Variants in GRIA3 observed in about 807,000 individuals in gnomAD.
The protein encoded by GRIA3 is glutamate receptor 3.
In GRIA3, 3 loss-of-function variants were observed where a neutral mutation model predicts 63.0. The ratio of observed to expected loss-of-function variants is 0.05; its 90% CI spans 0.02 to 0.12. The LOEUF (loss-of-function observed/expected upper bound fraction) is 0.12. Ranked by LOEUF, GRIA3 falls within the 10% of genes least tolerant of loss-of-function variation. GRIA3 has a pLI of 1.00. For synonymous variants in GRIA3, 274 were observed against 257.9 expected, an observed-to-expected ratio of 1.06 and a Z score of -0.60; for missense variants, 347 against 700.9, an observed-to-expected ratio of 0.50 and a Z score of 5.70.
chrX:123,399,147 T>A (rs1004799606), intron 7 of GRIA3, among the ~76,000 whole-genome samples: 2 of 112,006 alleles, frequency 1.8e-5, no homozygotes, highest in Non-Finnish European at 3.8e-5. Context: ...CTTTCAAACA[T>A]ATGACATTCT....
intron 11 of GRIA3, among the ~76,000 whole-genome samples, chrX:123,418,759 G>A (rs2045549218): frequency 8.9e-6 from 1 of 112,481 alleles, no homozygotes; most frequent in Non-Finnish European, 1.9e-5. Context: ...ACCAAGTGCT[G>A]ATGACAATGT....
chrX:123,200,608 TACAC>T (rs200626306), intron 2 of GRIA3, among the ~76,000 whole-genome samples: 5,899 of 76,272 alleles, frequency 0.077, 214 homozygotes, highest in South Asian at 0.22. Flanking sequence ...CACACATACA[TACAC>T]ACACACACAC....
Position 123,414,559 on chromosome X carries a change from C to G in GRIA3, c.1501-2843C>G, listed in dbSNP as rs187115132. 2.7e-3 allele frequency among the ~76,000 whole-genome samples: 300 copies of G among 109,933 alleles called. 3 individuals are homozygous for G. Among genetic ancestry groups the G allele is most frequent in the African/African-American group, 9.6e-3 (289 of 30,055 alleles). On this transcript the variant is annotated intron_variant, in intron 10 of 15. Transcript: ENST00000620443. ...TTTACGTTAGGCATTTTTCCTAATG[C>G]TATCCCTCCCCCAGCCCCCCACCCC...
At chrX:123,356,195 T>TA (rs1286539679) in intron 5 of GRIA3, among the ~76,000 whole-genome samples, 1 of 112,174 alleles carries the variant, frequency 8.9e-6, no homozygotes, top group East Asian at 2.8e-4. Context: ...AGGCACCTGA[T>TA]ACAGTTATTG....
At chrX:123,327,369 T>C (rs1178669870) in intron 4 of GRIA3, among the ~76,000 whole-genome samples, 1 of 111,298 alleles carries the variant, frequency 9.0e-6, no homozygotes, top group African/African-American at 3.3e-5. Flanking sequence ...GAAGTTTCAA[T>C]TTGCCAGTTA....
At chrX:123,392,686 T>G (rs747984449) in intron 5 of GRIA3, among the ~76,000 whole-genome samples, 4 of 112,014 alleles carry the variant, frequency 3.6e-5, no homozygotes, top group Non-Finnish European at 7.5e-5. Flanking sequence ...TTCTTTCTCA[T>G]TCCTTGAGTC....
chrX:123,463,834 A>G lies in GRIA3; in HGVS notation c.2077-1031A>G, dbSNP rs965262956. Among the ~76,000 whole-genome samples, 4 of 110,528 alleles carry G rather than the reference A, an allele frequency of 3.6e-5. No individual in the cohort carries two copies. In the Admixed American group the frequency reaches 3.8e-4, roughly 11 times the overall value. On this transcript the variant is annotated intron_variant, in intron 12 of 15. Transcript: ENST00000620443. Reference sequence around the variant, plus strand: ...GAGAAAGAAAAAGAAAGAGAAAGAAAGAAAGAAAGAGAGAAACCAAACAGA... The same window carrying G: ...GAGAAAGAAAAAGAAAGAGAAAGAAGGAAAGAAAGAGAGAAACCAAACAGA...
intron 3 of GRIA3, among the ~76,000 whole-genome samples, chrX:123,284,939 C>T (rs1347546025): frequency 1.8e-5 from 2 of 111,015 alleles, no homozygotes; most frequent in African/African-American, 6.6e-5. Flanking sequence ...AACCCCAAGA[C>T]ACATAATCAT....
chrX:123,266,022 G>A lies in GRIA3; in HGVS notation c.508+12480G>A, dbSNP rs143750029. Among the ~76,000 whole-genome samples, 201 of 111,815 alleles carry A rather than the reference G, an allele frequency of 1.8e-3. 1 individual carries two copies. The highest frequency in any genetic ancestry group is 6.2e-3 in the African/African-American group (190 of 30,811). On this transcript the variant is annotated intron_variant, in intron 3 of 15. Transcript: ENST00000620443. ...AACAGTGGCCTCTCCTCCACTTAAG[G>A]CCTTTACTGCCATCACTCTTCGAGG...
chrX:123,328,214 G>A (rs1018457969), intron 4 of GRIA3, among the ~76,000 whole-genome samples: 2 of 111,229 alleles, frequency 1.8e-5, no homozygotes, highest in African/African-American at 6.5e-5. Context: ...TCTACATAAT[G>A]GAGAAAATAA....
At chrX:123,289,236 A>G (rs764627974) in intron 3 of GRIA3, among the ~76,000 whole-genome samples, 4 of 110,188 alleles carry the variant, frequency 3.6e-5, no homozygotes, top group South Asian at 7.9e-4. Context: ...ACATGGACAC[A>G]GAAAGGGGAA....
intron 5 of GRIA3, among the ~76,000 whole-genome samples, chrX:123,357,308 C>T (rs1022649804): frequency 9.1e-6 from 1 of 110,179 alleles, no homozygotes; most frequent in Non-Finnish European, 1.9e-5. Flanking sequence ...TCTTAAAGAG[C>T]GATCTGAGCC....
At chrX:123,341,650 G>A (rs946288050) in intron 4 of GRIA3, among the ~76,000 whole-genome samples, 19 of 112,331 alleles carry the variant, frequency 1.7e-4, no homozygotes, top group African/African-American at 5.8e-4. Flanking sequence ...AGCCAAAATC[G>A]TGTTCAGTTC....
intron 3 of GRIA3, among the ~76,000 whole-genome samples, chrX:123,283,464 C>A: frequency 8.9e-6 from 1 of 111,742 alleles, no homozygotes; most frequent in East Asian, 2.8e-4. Context: ...AGACCCCACC[C>A]TCATGGAGCC....
intron 5 of GRIA3, among the ~76,000 whole-genome samples, chrX:123,374,308 A>T (rs899171428): frequency 9.0e-6 from 1 of 111,009 alleles, no homozygotes; most frequent in African/African-American, 3.3e-5. Flanking sequence ...CAGCTTTGTT[A>T]TTTTTGCCTA....
chrX:123,451,505 T>TAAAAAAAAAAAAAAAAAA (rs56991039), intron 12 of GRIA3, among the ~76,000 whole-genome samples: 2 of 16,191 alleles, frequency 1.2e-4, no homozygotes, highest in Admixed American at 1.6e-3. Flanking sequence ...ACTCTGTCTC[T>TAAAAAAAAAAAAAAAAAA]AAAAAAAAAA....
At chrX:123,255,015 C>T (rs2044411844) in intron 3 of GRIA3, among the ~76,000 whole-genome samples, 2 of 111,988 alleles carry the variant, frequency 1.8e-5, no homozygotes, top group Non-Finnish European at 3.8e-5. Context: ...TGGTGGTCTC[C>T]AATCCTGTGA....
intron 3 of GRIA3, among the ~76,000 whole-genome samples, chrX:123,285,265 A>G (rs943036289): frequency 5.4e-5 from 6 of 110,907 alleles, no homozygotes; most frequent in African/African-American, 6.6e-5. Context: ...TATATACTGA[A>G]TGGAAAAACC....
At chrX:123,448,377 C>T (rs559878952) in intron 12 of GRIA3, among the ~76,000 whole-genome samples, 7 of 111,737 alleles carry the variant, frequency 6.3e-5, no homozygotes, top group East Asian at 2.8e-4. Flanking sequence ...CAACCTACCC[C>T]CCTGTCTCTC....
Sources: gnomAD v4.1 joint callset for allele counts (sites outside exome capture counted in the v4.1 genomes callset) on GRCh38, gnomAD v4.1.1 for gene constraint, MANE v1.5 for transcripts, NCBI Gene and HGNC (gene_info 2026-07-23, HGNC 2026-07-21) for gene names.